Variants in G6PC1 observed in about 807,000 individuals in gnomAD.
The protein encoded by G6PC1 is glucose-6-phosphatase catalytic subunit 1, also known as G-6-Pase.
A neutral mutation model predicts 30.4 loss-of-function variants in G6PC1; 23 were observed. The ratio of observed to expected loss-of-function variants is 0.76; its 90% CI spans 0.55 to 1.07. G6PC1 has a LOEUF of 1.07. G6PC1 is among the 50% of genes least tolerant of loss of function. The probability of loss-of-function intolerance (pLI) is 0.00; values close to 1 mark genes in which losing one functional copy is unlikely to be tolerated. For synonymous variants in G6PC1, 163 were observed against 175.6 expected (o/e 0.93, Z 0.57); for missense variants, 391 against 433.9 (o/e 0.90, Z 0.88).
chr17:42,911,284 C>A lies in G6PC1; in HGVS notation c.932C>A (p.Ser311Tyr). 1 of 1,614,188 alleles carries A rather than the reference C, an allele frequency of 6.2e-7. No individual in the cohort carries two copies. ...CTCGTCCTCCTGCACGTCTTTGACTCCTTGAAACCCCCATCCCAAGTCGAG... is the reference window on the plus strand; with the variant it reads ...CTCGTCCTCCTGCACGTCTTTGACTACTTGAAACCCCCATCCCAAGTCGAG... ...ASLVLLHVFD[S>Y]LKPPSQVELV... The change falls in exon 5 of 5, where the codon TCC becomes TAC. Residue 311 changes from serine (S) to tyrosine (Y), a missense_variant. Physicochemically the swap from Ser to Tyr is moderately radical, Grantham distance 144. Coordinates refer to ENST00000253801, the MANE Select transcript of G6PC1 (RefSeq NM_000151.4).
In G6PC1 at chr17:42,911,546, G is replaced by A. The variant is rs150477898; in HGVS notation, c.*120G>A. The A allele has an allele frequency of 2.7e-4, 408 of 1,485,926 alleles. 1 individual carries two copies. The African/African-American group carries it at 4.2e-3, about 15-fold the overall frequency. 92.0% of individuals were successfully genotyped at this position (1,485,926 alleles called of 1,614,324 possible). A position where few individuals can be genotyped will look rare whatever the true frequency, so the allele number is the denominator to read the frequency against. ...GTGACATGCCATCCATTCTGCCGTC[G>A]TGGAATTAAATCACGGATGGCAGAT... On this transcript the variant is annotated 3_prime_UTR_variant, in exon 5 of 5. Transcript: ENST00000253801.
intron 4 of G6PC1, 32 bp downstream of exon 4, chr17:42,909,450 C>T (rs1175727185): frequency 2.0e-6 from 3 of 1,497,566 alleles, no homozygotes; most frequent in African/African-American, 1.4e-5. Flanking sequence ...TTCCTTCTCC[C>T]CCAAACCCCA....
intron 3 of G6PC1, 26 bp downstream of exon 3, chr17:42,907,654 G>A (rs1226692279): frequency 4.7e-6 from 7 of 1,505,224 alleles, no homozygotes; most frequent in Non-Finnish European, 6.5e-6. Flanking sequence ...TGGGGTGTAG[G>A]TGGTGGAGGG....
intron 4 of G6PC1, among the ~76,000 whole-genome samples, 155 bp downstream of exon 4, chr17:42,909,573 A>G (rs577799275): frequency 9.2e-5 from 14 of 152,338 alleles, no homozygotes; most frequent in African/African-American, 3.4e-4. Context: ...GCAACTTGAA[A>G]TGATTAATTT....
At chr17:42,906,104 GGAA>G (rs1174613720) in intron 2 of G6PC1, among the ~76,000 whole-genome samples, 2 of 151,320 alleles carry the variant, frequency 1.3e-5, no homozygotes, top group African/African-American at 2.4e-5. Context: ...AGTGTTAGAA[GGAA>G]GAAGAAGGGA....
At position 42,914,191 on chromosome 17, in the gene G6PC1, T is replaced by C. The variant is rs1365223169; in HGVS notation, c.*2765T>C. ...TTCAAGTGATCCTCCTGCCTCAGCC[T>C]CCCAAAGTGCTGGGATTACAGTGTG... is the stretch of plus-strand genomic sequence containing the variant. On this transcript the variant is annotated 3_prime_UTR_variant, in exon 5 of 5. Transcript: ENST00000253801. 6.6e-6 allele frequency among the ~76,000 whole-genome samples: 1 copy of C among 151,738 alleles called. No homozygotes were observed. Among genetic ancestry groups the C allele is most frequent in the African/African-American group, 2.4e-5 (1 of 41,288 alleles).
In G6PC1 at chr17:42,913,957, C is replaced by T. The variant is rs562655160; in HGVS notation, c.*2531C>T. On this transcript the variant is annotated 3_prime_UTR_variant, in exon 5 of 5. Coordinates refer to ENST00000253801, the MANE Select transcript of G6PC1 (RefSeq NM_000151.4). ...CAATGGATTTCCTGAGGGTAAGCTCCGCTATTTCACACCTGAACTCCGGAG... is the reference window on the plus strand; with the variant it reads ...CAATGGATTTCCTGAGGGTAAGCTCTGCTATTTCACACCTGAACTCCGGAG... 3.9e-5 allele frequency among the ~76,000 whole-genome samples: 6 copies of T among 152,210 alleles called. No individual in the cohort carries two copies. The highest frequency in any genetic ancestry group is 6.5e-5 in the Admixed American group (1 of 15,278).
chr17:42,903,157 C>T (rs1358400451), intron 1 of G6PC1, among the ~76,000 whole-genome samples: 2 of 150,160 alleles, frequency 1.3e-5, no homozygotes, highest in Non-Finnish European at 3.0e-5. Flanking sequence ...TCTCGGCTCA[C>T]GGCAACCTCC....
chr17:42,902,341 C>T (rs1436994742), intron 1 of G6PC1, among the ~76,000 whole-genome samples: 1 of 151,984 alleles, frequency 6.6e-6, no homozygotes, highest in Non-Finnish European at 1.5e-5. Context: ...TCTGCCTCTC[C>T]GGTTCAAGTG....
At chr17:42,902,690 C>T (rs1050353919) in intron 1 of G6PC1, among the ~76,000 whole-genome samples, 1 of 152,176 alleles carries the variant, frequency 6.6e-6, no homozygotes, top group Non-Finnish European at 1.5e-5. Context: ...ATTCCACCAT[C>T]ACGGGATAAA....
intron 2 of G6PC1, among the ~76,000 whole-genome samples, chr17:42,905,443 T>TAC (rs748185736): frequency 0.011 from 961 of 87,880 alleles, 11 homozygotes; most frequent in East Asian, 0.029. Flanking sequence ...TATATATATA[T>TAC]ACACACACAC....
At position 42,910,941 on chromosome 17, in the gene G6PC1, C is replaced by T; in HGVS notation, c.589C>T (p.His197Tyr). The T allele has an allele frequency of 6.2e-7, 1 of 1,614,202 alleles. No individual in the cohort carries two copies. Among genetic ancestry groups the T allele is most frequent in the Middle Eastern group, 1.6e-4 (1 of 6,062 alleles). Reference sequence around the variant, plus strand: ...CATTGCTGTTGCAGAAACTTTCAGCCACATCCACAGCATCTATAATGCCAG... The same window carrying T: ...CATTGCTGTTGCAGAAACTTTCAGCTACATCCACAGCATCTATAATGCCAG... ...SGIAVAETFS[H>Y]IHSIYNASLK... The change falls in exon 5 of 5, where the codon CAC becomes TAC. Residue 197 changes from histidine (H) to tyrosine (Y), a missense_variant. Physicochemically the swap from His to Tyr is moderately conservative, Grantham distance 83. Coordinates refer to ENST00000253801, the MANE Select transcript of G6PC1 (RefSeq NM_000151.4).
intron 2 of G6PC1, among the ~76,000 whole-genome samples, chr17:42,904,671 G>C (rs781538925): frequency 6.6e-6 from 1 of 152,130 alleles, no homozygotes; most frequent in Non-Finnish European, 1.5e-5. Context: ...TCATTCAGCT[G>C]TTACTTACCA....
At chr17:42,903,705 CAA>C (rs557777840) in intron 1 of G6PC1, among the ~76,000 whole-genome samples, 2 of 138,614 alleles carry the variant, frequency 1.4e-5, no homozygotes, top group Non-Finnish European at 1.6e-5. Context: ...GATCCTGTCT[CAA>C]AAAAAAAAAA....
intron 1 of G6PC1, 151 bp from the exon 2 acceptor site, chr17:42,903,780 T>G: frequency 1.5e-6 from 1 of 678,982 alleles, no homozygotes; most frequent in Non-Finnish European, 2.7e-6. Context: ...TCATGAAATA[T>G]CTCCCTCTCA....
In G6PC1 at chr17:42,911,547, T is replaced by A; in HGVS notation, c.*121T>A. 1 of 1,471,396 alleles carries A rather than the reference T, an allele frequency of 6.8e-7. No homozygotes were observed. Among genetic ancestry groups the A allele is most frequent in the Non-Finnish European group, 9.4e-7 (1 of 1,067,892 alleles). The allele number at this position is 1,471,396 out of a possible 1,614,324, so 91.1% of individuals were successfully genotyped here. A position where few individuals can be genotyped will look rare whatever the true frequency, so the allele number is the denominator to read the frequency against. ...TGACATGCCATCCATTCTGCCGTCGTGGAATTAAATCACGGATGGCAGATT... is the reference window on the plus strand; with the variant it reads ...TGACATGCCATCCATTCTGCCGTCGAGGAATTAAATCACGGATGGCAGATT... On this transcript the variant is annotated 3_prime_UTR_variant, in exon 5 of 5. Transcript: ENST00000253801.
At chr17:42,910,196 TTTAAG>T (rs1176232993) in intron 4 of G6PC1, among the ~76,000 whole-genome samples, 2 of 152,160 alleles carry the variant, frequency 1.3e-5, no homozygotes, top group African/African-American at 4.8e-5. Flanking sequence ...TAAGACAAGA[TTTAAG>T]TTAAGCATAA....
chr17:42,911,731 C>G lies in G6PC1; in HGVS notation c.*305C>G. ...ACTCTCACAAGTAGGGAGCTCACTCCCACTGGAACAGCCCATTTTATCTTT... is the reference window on the plus strand; with the variant it reads ...ACTCTCACAAGTAGGGAGCTCACTCGCACTGGAACAGCCCATTTTATCTTT... On this transcript the variant is annotated 3_prime_UTR_variant, in exon 5 of 5. Coordinates refer to ENST00000253801, the MANE Select transcript of G6PC1 (RefSeq NM_000151.4). 6.7e-6 allele frequency: 3 copies of G among 447,248 alleles called. No homozygotes were observed. The highest frequency in any genetic ancestry group is 1.2e-5 in the Non-Finnish European group (3 of 241,946). The allele number at this position is 447,248 out of a possible 1,614,324, so 27.7% of individuals were successfully genotyped here.
At position 42,907,647 on chromosome 17, in the gene G6PC1, G is replaced by A; in HGVS notation, c.446+19G>A. The A allele has an allele frequency of 2.6e-6, 4 of 1,531,032 alleles. No individual in the cohort carries two copies. The South Asian group carries it at 4.5e-5, about 17-fold the overall frequency. The allele number at this position is 1,531,032 out of a possible 1,614,324, so 94.8% of individuals were successfully genotyped here. A position where few individuals can be genotyped will look rare whatever the true frequency, so the allele number is the denominator to read the frequency against. On this transcript the variant is annotated intron_variant, in intron 3 of 4. Transcript: ENST00000253801. ...GATTTCGGTAAGAACTCACCACTGGGGTGTAGGTGGTGGAGGGCAGGAGGC... is the reference window on the plus strand; with the variant it reads ...GATTTCGGTAAGAACTCACCACTGGAGTGTAGGTGGTGGAGGGCAGGAGGC...
Sources: gnomAD v4.1 joint callset for allele counts (sites outside exome capture counted in the v4.1 genomes callset) on GRCh38, gnomAD v4.1.1 for gene constraint, MANE v1.5 for transcripts, NCBI Gene and HGNC (gene_info 2026-07-23, HGNC 2026-07-21) for gene names.